CLSTN2: variants seen among roughly 807,000 people sequenced by gnomAD.
CLSTN2 encodes the protein calsyntenin 2.
In CLSTN2, 48 loss-of-function variants were observed where a neutral mutation model predicts 101.2. The ratio of observed to expected loss-of-function variants is 0.47; its 90% confidence interval spans 0.38 to 0.60. The LOEUF (loss-of-function observed/expected upper bound fraction) is 0.60. Among genes scored for constraint, CLSTN2 ranks in the 20% least tolerant of loss-of-function variants. The probability of loss-of-function intolerance (pLI) is 0.00; values close to 1 mark genes in which losing one functional copy is unlikely to be tolerated. For synonymous variants in CLSTN2, 481 were observed against 463.6 expected, an observed-to-expected ratio of 1.04 and a Z score of -0.48; for missense variants, 1,160 against 1,238.2, an observed-to-expected ratio of 0.94 and a Z score of 0.95.
chr3:140,518,968 G>C (rs989442495), intron 8 of CLSTN2, among the ~76,000 whole-genome samples: 1 of 151,540 alleles, frequency 6.6e-6, no homozygotes, highest in Non-Finnish European at 1.5e-5. Flanking sequence ...GGCATTTAGT[G>C]CTATAAATTT....
At chr3:140,175,688 G>A (rs192411606) in intron 1 of CLSTN2, among the ~76,000 whole-genome samples, 2 of 152,282 alleles carry the variant, frequency 1.3e-5, no homozygotes, top group Admixed American at 6.5e-5. Flanking sequence ...TGAAGAATCC[G>A]TGGTCTTAGA....
chr3:140,093,974 C>T (rs927074416), intron 1 of CLSTN2, among the ~76,000 whole-genome samples: 3 of 152,112 alleles, frequency 2.0e-5, no homozygotes, highest in Non-Finnish European at 4.4e-5. Context: ...GGAACACTGC[C>T]CGGGGGAATC....
chr3:140,241,324 T>A (rs1333195484), intron 2 of CLSTN2, among the ~76,000 whole-genome samples: 1 of 152,146 alleles, frequency 6.6e-6, no homozygotes, highest in African/African-American at 2.4e-5. Flanking sequence ...TAAGTCCATG[T>A]TCAGTAAGAA....
chr3:140,238,845 A>G (rs1435835247), intron 2 of CLSTN2, among the ~76,000 whole-genome samples: 2 of 152,194 alleles, frequency 1.3e-5, no homozygotes, highest in African/African-American at 4.8e-5. Context: ...TTTGGCTACA[A>G]AGAAATATGT....
intron 2 of CLSTN2, among the ~76,000 whole-genome samples, chr3:140,180,676 A>G (rs1482590520): frequency 6.6e-6 from 1 of 152,164 alleles, no homozygotes; most frequent in African/African-American, 2.4e-5. Flanking sequence ...TCATTTGTCT[A>G]CATTGGGCCA....
chr3:140,045,429 G>T (rs961389399), intron 1 of CLSTN2, among the ~76,000 whole-genome samples: 1 of 151,646 alleles, frequency 6.6e-6, no homozygotes, highest in Middle Eastern at 3.2e-3. Context: ...TTTTTTATTA[G>T]TCTTGCTAGC....
At chr3:140,434,408 C>A (rs1389614506) in intron 5 of CLSTN2, among the ~76,000 whole-genome samples, 3 of 152,190 alleles carry the variant, frequency 2.0e-5, no homozygotes, top group African/African-American at 7.2e-5. Flanking sequence ...TCAGGGCCTA[C>A]TCTGCACCCA....
chr3:140,351,946 A>G (rs887814035), intron 2 of CLSTN2, among the ~76,000 whole-genome samples: 1 of 152,148 alleles, frequency 6.6e-6, no homozygotes, highest in African/African-American at 2.4e-5. Flanking sequence ...GAAGGACAAA[A>G]CTGGAAAGTT....
chr3:140,301,414 C>T (rs1243283074), intron 2 of CLSTN2, among the ~76,000 whole-genome samples: 1 of 152,164 alleles, frequency 6.6e-6, no homozygotes, highest in Non-Finnish European at 1.5e-5. Context: ...AGTGGCCTTA[C>T]TTTACTTGAT....
rs144993601 is a variant in CLSTN2, at chr3:140,361,384, T to G, written c.233-42245T>G. On this transcript the variant is annotated intron_variant, in intron 2 of 16. Coordinates refer to ENST00000458420, the MANE Select transcript of CLSTN2 (RefSeq NM_022131.3). ...AATGTACAGCTAATATCATGCTTAA[T>G]GGTAGAAGATGGAAATCTCTCTCCA... Among the ~76,000 whole-genome samples the G allele has an allele frequency of 2.6e-3, 400 of 152,316 alleles. 3 individuals are homozygous for G. The highest frequency in any genetic ancestry group is 9.2e-3 in the African/African-American group (381 of 41,576).
intron 1 of CLSTN2, among the ~76,000 whole-genome samples, chr3:139,974,445 G>A (rs1324716290): frequency 6.6e-6 from 1 of 152,120 alleles, no homozygotes; most frequent in Non-Finnish European, 1.5e-5. Context: ...GATATACCAG[G>A]GCTAATTTGG....
intron 12 of CLSTN2, among the ~76,000 whole-genome samples, chr3:140,561,075 T>C (rs1470094256): frequency 6.6e-6 from 1 of 151,902 alleles, no homozygotes; most frequent in Non-Finnish European, 1.5e-5. Flanking sequence ...AAATAATCCA[T>C]CTTTAGTGAA....
intron 1 of CLSTN2, among the ~76,000 whole-genome samples, chr3:139,968,484 T>C (rs922917122): frequency 6.6e-6 from 1 of 152,232 alleles, no homozygotes; most frequent in African/African-American, 2.4e-5. Context: ...TTCTACTCTT[T>C]TGTCATGTGA....
intron 1 of CLSTN2, among the ~76,000 whole-genome samples, chr3:140,151,630 ACAAT>A (rs1444633724): frequency 1.3e-5 from 2 of 152,008 alleles, no homozygotes; most frequent in Non-Finnish European, 2.9e-5. Flanking sequence ...ACATGGGAAG[ACAAT>A]CAAAGGCACT....
At chr3:140,077,644 C>T (rs2107779619) in intron 1 of CLSTN2, among the ~76,000 whole-genome samples, 1 of 152,048 alleles carries the variant, frequency 6.6e-6, no homozygotes, top group East Asian at 1.9e-4. Flanking sequence ...CCCATTGTGC[C>T]TGCGGTGAAA....
At chr3:140,221,233 G>C (rs917156361) in intron 2 of CLSTN2, among the ~76,000 whole-genome samples, 3 of 152,102 alleles carry the variant, frequency 2.0e-5, no homozygotes, top group African/African-American at 7.2e-5. Context: ...TCTGAAAACA[G>C]AAAGTGTTTT....
chr3:140,023,724 G>A (rs1280130433), intron 1 of CLSTN2, among the ~76,000 whole-genome samples: 2 of 152,142 alleles, frequency 1.3e-5, no homozygotes, highest in African/African-American at 2.4e-5. Flanking sequence ...GGGGAGCTCC[G>A]AGCAGACTCC....
chr3:140,553,300 T>C (rs530869378), intron 10 of CLSTN2, among the ~76,000 whole-genome samples: 1 of 152,262 alleles, frequency 6.6e-6, no homozygotes, highest in Non-Finnish European at 1.5e-5. Context: ...ATCATATATT[T>C]AATATCTTGT....
At chr3:140,156,642 C>T (rs2107817299) in intron 1 of CLSTN2, among the ~76,000 whole-genome samples, 1 of 152,318 alleles carries the variant, frequency 6.6e-6, no homozygotes, top group Non-Finnish European at 1.5e-5. Context: ...CTGAGGCATA[C>T]TAAAGCAGAC....
Sources: allele counts gnomAD v4.1 joint callset (sites outside exome capture counted in the v4.1 genomes callset), GRCh38; gene constraint gnomAD v4.1.1; transcripts MANE v1.5; gene names NCBI Gene and HGNC (gene_info 2026-07-23, HGNC 2026-07-21).